SYT14: variants seen among roughly 807,000 people sequenced by gnomAD.
SYT14 encodes the protein synaptotagmin 14, also known as synaptotagmin-14.
SYT14 carries 32 observed loss-of-function variants against 74.2 expected under a neutral mutation model. The observed-to-expected ratio is 0.43, with a 90% CI of 0.33 to 0.58. The LOEUF (loss-of-function observed/expected upper bound fraction) is 0.58, where lower values mean the gene tolerates loss of function less well. SYT14 is among the 20% of genes least tolerant of loss of function. The pLI, the probability that SYT14 is intolerant of heterozygous loss-of-function variation, is 0.05. For missense variants in SYT14, 791 were observed against 981.8 expected, an observed-to-expected ratio of 0.81 and a Z score of 2.60; for synonymous variants, 298 against 337.7, an observed-to-expected ratio of 0.88 and a Z score of 1.29.
intron 5 of SYT14, among the ~76,000 whole-genome samples, chr1:210,063,021 G>T (rs1572235435): frequency 1.4e-5 from 2 of 141,076 alleles, no homozygotes; most frequent in South Asian, 2.2e-4. Context: ...ATTTTTTCTA[G>T]TTTTTTTTTT....
At chr1:209,971,857 G>A (rs1388606588) in intron 2 of SYT14, among the ~76,000 whole-genome samples, 2 of 152,008 alleles carry the variant, frequency 1.3e-5, no homozygotes, top group African/African-American at 4.8e-5. Flanking sequence ...TTTTTTTGTT[G>A]TATTTTTGCC....
intron 5 of SYT14, among the ~76,000 whole-genome samples, chr1:210,022,189 T>C (rs2080317007): frequency 6.6e-6 from 1 of 152,190 alleles, no homozygotes; most frequent in Non-Finnish European, 1.5e-5. Flanking sequence ...TGACTTAAAG[T>C]TTTATCCCAG....
intron 5 of SYT14, among the ~76,000 whole-genome samples, chr1:210,055,548 GGCTCAT>G (rs1475810171): frequency 6.6e-6 from 1 of 151,940 alleles, no homozygotes; most frequent in East Asian, 1.9e-4. Flanking sequence ...CAGACACGGT[GGCTCAT>G]GCCTATATTC....
intron 5 of SYT14, among the ~76,000 whole-genome samples, chr1:210,027,953 A>G (rs902588935): frequency 1.3e-5 from 2 of 152,156 alleles, no homozygotes; most frequent in African/African-American, 2.4e-5. Flanking sequence ...GTACAGTTCA[A>G]TGTCATTAAG....
exon 10 of SYT14, chr1:210,163,720 C>T (rs1168538760): frequency 1.5e-5 from 7 of 453,186 alleles, no homozygotes; most frequent in Non-Finnish European, 3.1e-5. Context: ...AAAAAGTTGT[C>T]TGTTCTTTTA....
intron 2 of SYT14, among the ~76,000 whole-genome samples, chr1:210,012,344 G>A (rs988188057): frequency 3.9e-4 from 60 of 152,282 alleles, no homozygotes; most frequent in African/African-American, 1.4e-3. Flanking sequence ...AAGGAACACA[G>A]GAACTGTTTA....
chr1:210,027,955 G>A (rs977087256), intron 5 of SYT14, among the ~76,000 whole-genome samples: 1 of 152,050 alleles, frequency 6.6e-6, no homozygotes, highest in Non-Finnish European at 1.5e-5. Context: ...ACAGTTCAAT[G>A]TCATTAAGTG....
intron 2 of SYT14, among the ~76,000 whole-genome samples, chr1:209,955,830 T>C (rs970275855): frequency 6.6e-6 from 1 of 152,164 alleles, no homozygotes; most frequent in Non-Finnish European, 1.5e-5. Flanking sequence ...GTGTAATCCA[T>C]TGTGGTTCAA....
At chr1:210,120,400 G>A (rs2082437051) in intron 7 of SYT14, among the ~76,000 whole-genome samples, 1 of 145,088 alleles carries the variant, frequency 6.9e-6, no homozygotes, top group Admixed American at 7.2e-5. Flanking sequence ...GGGTCACTCT[G>A]TTAGGCTGGA....
At chr1:210,004,040 C>T (rs1213534521) in intron 2 of SYT14, among the ~76,000 whole-genome samples, 1 of 151,944 alleles carries the variant, frequency 6.6e-6, no homozygotes, top group East Asian at 1.9e-4. Context: ...AATCAGATAG[C>T]ATAATAGAAT....
intron 7 of SYT14, among the ~76,000 whole-genome samples, chr1:210,148,121 A>G (rs1558222371): frequency 6.6e-6 from 1 of 152,222 alleles, no homozygotes; most frequent in Non-Finnish European, 1.5e-5. Flanking sequence ...ACTCAGTGCC[A>G]GAGAATAAAG....
chr1:210,094,531 T>A, exon 6 of SYT14: 2 of 1,612,382 alleles, frequency 1.2e-6, no homozygotes, highest in Non-Finnish European at 1.7e-6. Flanking sequence ...AATAGAAAGT[T>A]TTCATAATAA....
At chr1:210,038,490 T>C (rs170554) in intron 5 of SYT14, among the ~76,000 whole-genome samples, 134,002 of 152,086 alleles carry the variant, frequency 0.88, 59,399 homozygotes, top group African/African-American at 0.97. Flanking sequence ...TTTGCAGTCT[T>C]ATTTGTCTAA....
At chr1:210,099,612 C>G (rs2082024994) in intron 6 of SYT14, among the ~76,000 whole-genome samples, 1 of 152,084 alleles carries the variant, frequency 6.6e-6, no homozygotes, top group Non-Finnish European at 1.5e-5. Flanking sequence ...TTTATGTTCT[C>G]TTTCTCTGCA....
intron 7 of SYT14, among the ~76,000 whole-genome samples, chr1:210,130,660 T>C (rs575894709): frequency 1.2e-4 from 19 of 152,250 alleles, no homozygotes; most frequent in African/African-American, 3.6e-4. Flanking sequence ...GGAATGAAAA[T>C]GACATTAAAA....
intron 5 of SYT14, among the ~76,000 whole-genome samples, chr1:210,054,904 C>T (rs2081068088): frequency 6.6e-6 from 1 of 152,160 alleles, no homozygotes; most frequent in Non-Finnish European, 1.5e-5. Context: ...CCTGTTTCCT[C>T]TTATGCCTGA....
intron 2 of SYT14, among the ~76,000 whole-genome samples, chr1:209,977,256 T>C (rs2079385663): frequency 6.6e-6 from 1 of 152,216 alleles, no homozygotes; most frequent in Non-Finnish European, 1.5e-5. Context: ...ATTATGATGT[T>C]AGCTGGTTAT....
chr1:210,104,003 G>A lies in SYT14; in HGVS notation c.2034+3542G>A, dbSNP rs564843245. ...CTCACTGGTAGATATGGCAGGAGCT[G>A]TGTGACCTAGACTCTGCCACTCATA... On this transcript the variant is annotated intron_variant, in intron 7 of 9. Coordinates refer to ENST00000637265, the Ensembl canonical transcript of SYT14. 1.4e-4 allele frequency among the ~76,000 whole-genome samples: 21 copies of A among 152,326 alleles called. 1 individual carries two copies. The South Asian group carries it at 3.9e-3, about 29-fold the overall frequency.
At chr1:210,004,860 TATC>T (rs2079961986) in intron 2 of SYT14, among the ~76,000 whole-genome samples, 1 of 152,034 alleles carries the variant, frequency 6.6e-6, no homozygotes, top group Non-Finnish European at 1.5e-5. Context: ...CTGATACAGA[TATC>T]ATATCAACAA....
Sources: gnomAD v4.1 joint callset for allele counts (sites outside exome capture counted in the v4.1 genomes callset) on GRCh38, gnomAD v4.1.1 for gene constraint, MANE v1.5 for transcripts, NCBI Gene and HGNC (gene_info 2026-07-23, HGNC 2026-07-21) for gene names.